The following ARK2N variants were observed in gnomAD, a reference collection of about 807,000 sequenced individuals.
ARK2N encodes protein ARK2N.
chr18:46,253,375 A>T, the ARK2N span, among the ~76,000 whole-genome samples: 2 of 152,184 alleles, frequency 1.3e-5, no homozygotes, highest in Non-Finnish European at 2.9e-5. Context: ...AGAGTTTGTT[A>T]TGGTTTAGGT....
At chr18:46,200,300 T>TTTTG in the ARK2N span, among the ~76,000 whole-genome samples, 1 of 151,664 alleles carries the variant, frequency 6.6e-6, no homozygotes, top group African/African-American at 2.4e-5. Flanking sequence ...GTTACAGTTT[T>TTTTG]TTTGTTTGTT....
At chr18:46,204,003 A>T in the ARK2N span, among the ~76,000 whole-genome samples, 11 of 152,088 alleles carry the variant, frequency 7.2e-5, no homozygotes, top group Non-Finnish European at 1.5e-4. Context: ...TTGAGTTTTT[A>T]CGGGGAGGGA....
the ARK2N span, among the ~76,000 whole-genome samples, chr18:46,189,042 C>T: frequency 0.012 from 1,868 of 151,946 alleles, 48 homozygotes; most frequent in African/African-American, 0.043. Flanking sequence ...TGGTGAAACC[C>T]CATCACTATT....
chr18:46,234,298 A>C, the ARK2N span, among the ~76,000 whole-genome samples: 1 of 152,038 alleles, frequency 6.6e-6, no homozygotes, highest in African/African-American at 2.4e-5. Context: ...CCCAGGTTCA[A>C]GTGATTCTCC....
the ARK2N span, among the ~76,000 whole-genome samples, chr18:46,181,238 G>T: frequency 6.6e-6 from 1 of 152,054 alleles, no homozygotes; most frequent in South Asian, 2.1e-4. Context: ...CCAGCTCTGG[G>T]CAACAGAGCA....
the ARK2N span, among the ~76,000 whole-genome samples, chr18:46,189,919 T>G: frequency 1.3e-5 from 2 of 152,230 alleles, no homozygotes; most frequent in Non-Finnish European, 2.9e-5. Context: ...TAATTTATCT[T>G]TTGTAAAGAT....
At chr18:46,194,990 C>T in the ARK2N span, among the ~76,000 whole-genome samples, 2 of 151,128 alleles carry the variant, frequency 1.3e-5, no homozygotes, top group African/African-American at 4.9e-5. Context: ...TTAGTAGTGA[C>T]GGGGTTTCGC....
chr18:46,216,621 G>C, the ARK2N span: 1 of 1,562,102 alleles, frequency 6.4e-7, no homozygotes, highest in Non-Finnish European at 8.7e-7. The surrounding 1 kb of genome is among the most constrained non-coding windows in gnomAD (Gnocchi z 4.3). Context: ...TAAACTGACT[G>C]TAAAGTACCT....
chr18:46,232,443 G>A, the ARK2N span: 3 of 152,152 alleles, frequency 2.0e-5, no homozygotes, highest in African/African-American at 7.2e-5. Flanking sequence ...AAAATACAGT[G>A]TCAAAACAAT....
the ARK2N span, chr18:46,215,696 A>T: frequency 2.2e-5 from 11 of 506,864 alleles, no homozygotes; most frequent in African/African-American, 1.9e-4. Context: ...ATATATATAT[A>T]TTTTAAAGGC....
the ARK2N span, among the ~76,000 whole-genome samples, chr18:46,226,208 G>C: frequency 0.011 from 1,617 of 152,310 alleles, 37 homozygotes; most frequent in African/African-American, 0.037. Context: ...ATTCGTTTCT[G>C]AGCAAATATT....
the ARK2N span, among the ~76,000 whole-genome samples, chr18:46,187,621 C>T: frequency 3.0e-3 from 458 of 152,200 alleles, 2 homozygotes; most frequent in African/African-American, 0.01. Flanking sequence ...GGATTATAGG[C>T]GTGAGCACTG....
the ARK2N span, among the ~76,000 whole-genome samples, chr18:46,249,407 T>C: frequency 4.6e-5 from 7 of 152,092 alleles, no homozygotes; most frequent in East Asian, 1.4e-3. Context: ...TTTTTTTTTG[T>C]ATTTTTAGTA....
the ARK2N span, among the ~76,000 whole-genome samples, chr18:46,187,441 A>G: frequency 2.3e-3 from 351 of 151,330 alleles, 6 homozygotes; most frequent in East Asian, 0.051. Flanking sequence ...TCCCGGGTTC[A>G]AGCAATTCTC....
At chr18:46,253,636 T>A in the ARK2N span, 3 of 1,551,314 alleles carry the variant, frequency 1.9e-6, no homozygotes, top group Non-Finnish European at 2.6e-6. Context: ...ATGAGTTGTT[T>A]CCACTGTTTG....
At chr18:46,236,302 T>C in the ARK2N span, among the ~76,000 whole-genome samples, 3 of 152,192 alleles carry the variant, frequency 2.0e-5, no homozygotes, top group African/African-American at 7.2e-5. Flanking sequence ...CATGAGGCAC[T>C]GTGCCCAGCC....
the ARK2N span, among the ~76,000 whole-genome samples, chr18:46,202,815 AAG>A: frequency 6.8e-6 from 1 of 146,680 alleles, no homozygotes; most frequent in Non-Finnish European, 1.5e-5. Flanking sequence ...AAAAAAAAAA[AAG>A]AAAGAAAAGA....
At chr18:46,181,404 A>G in the ARK2N span, among the ~76,000 whole-genome samples, 2 of 152,158 alleles carry the variant, frequency 1.3e-5, no homozygotes, top group African/African-American at 4.8e-5. Context: ...TAGAGCAGCC[A>G]TTCCTAAGAA....
chr18:46,202,819 A>G, the ARK2N span, among the ~76,000 whole-genome samples: 1 of 151,814 alleles, frequency 6.6e-6, no homozygotes, highest in African/African-American at 2.4e-5. Flanking sequence ...AAAAAAAAGA[A>G]AGAAAAGAAA....
Sources: allele counts gnomAD v4.1 joint callset (sites outside exome capture counted in the v4.1 genomes callset), GRCh38; gene constraint gnomAD v4.1.1; non-coding constraint Gnocchi (gnomAD v3.1); transcripts MANE v1.5; gene names NCBI Gene and HGNC (gene_info 2026-07-23, HGNC 2026-07-21).